EDRF1: variants seen among roughly 807,000 people sequenced by gnomAD.
EDRF1 encodes the protein erythroid differentiation regulatory factor 1, also known as erythroid differentiation-related factor 1.
In EDRF1, 69 loss-of-function variants were observed where a neutral mutation model predicts 148.7. The observed-to-expected ratio is 0.46, with a 90% CI of 0.38 to 0.57. The LOEUF is 0.57. Ranked by LOEUF, EDRF1 falls within the 20% of genes least tolerant of loss-of-function variation. The pLI is 0.00. For synonymous variants in EDRF1, 515 were observed against 532.8 expected, an observed-to-expected ratio of 0.97 and a Z score of 0.46; for missense variants, 1,118 against 1,478.7, an observed-to-expected ratio of 0.76 and a Z score of 4.00.
At chr10:125,750,936 G>T (rs1052047341) in intron 22 of EDRF1, among the ~76,000 whole-genome samples, 1 of 151,986 alleles carries the variant, frequency 6.6e-6, no homozygotes, top group Non-Finnish European at 1.5e-5. Flanking sequence ...CTTTTTTGTT[G>T]TTGGGGTTTT....
chr10:125,743,338 T>A, intron 18 of EDRF1, 62 bp downstream of exon 18: 1 of 1,430,062 alleles, frequency 7.0e-7, no homozygotes, highest in Non-Finnish European at 9.8e-7. Context: ...GCTAATTTTG[T>A]ATGAGTCAAG....
At chr10:125,723,034 C>A in intron 2 of EDRF1, 34 bp from the exon 3 acceptor site, 1 of 1,513,366 alleles carries the variant, frequency 6.6e-7, no homozygotes, top group Non-Finnish European at 9.2e-7. Context: ...ATGAGCATGA[C>A]CTCATAACCT....
chr10:125,736,289 C>T (rs1848726962), intron 13 of EDRF1, among the ~76,000 whole-genome samples: 1 of 152,076 alleles, frequency 6.6e-6, no homozygotes, highest in South Asian at 2.1e-4. Flanking sequence ...GCTCTTGGAA[C>T]TGTATATGGT....
At position 125,728,989 on chromosome 10, in the gene EDRF1, T is replaced by G; in HGVS notation, c.793-14T>G. ...TGACAGCAGAATCACTCCTTATCCTTGCACTTTTCACAGGGAAGTGAGCCT... is the reference window on the plus strand; with the variant it reads ...TGACAGCAGAATCACTCCTTATCCTGGCACTTTTCACAGGGAAGTGAGCCT... On this transcript the variant is annotated splice_polypyrimidine_tract_variant and intron_variant, in intron 6 of 24. Coordinates refer to ENST00000356792, the MANE Select transcript of EDRF1 (RefSeq NM_001202438.2). The G allele has an allele frequency of 1.3e-6, 2 of 1,560,864 alleles. No homozygotes were observed. Among genetic ancestry groups the G allele is most frequent in the South Asian group, 1.2e-5 (1 of 85,682 alleles).
chr10:125,742,667 G>GC, intron 17 of EDRF1: 2 of 985,074 alleles, frequency 2.0e-6, no homozygotes, highest in Non-Finnish European at 2.4e-6. Flanking sequence ...TTCTGTAGCA[G>GC]CCTCTTCAGT....
intron 1 of EDRF1, among the ~76,000 whole-genome samples, chr10:125,720,480 C>T (rs11244621): frequency 0.041 from 6,179 of 152,258 alleles, 184 homozygotes; most frequent in Non-Finnish European, 0.064. Context: ...AAATGTTCTA[C>T]CAGACTATTT....
At chr10:125,732,202 T>C (rs983398666) in intron 9 of EDRF1, among the ~76,000 whole-genome samples, 2 of 151,946 alleles carry the variant, frequency 1.3e-5, no homozygotes, top group East Asian at 1.9e-4. Context: ...TCTCCCTAAA[T>C]GGCAACATTT....
chr10:125,741,884 G>T (rs190290056), intron 17 of EDRF1, among the ~76,000 whole-genome samples: 37 of 151,852 alleles, frequency 2.4e-4, no homozygotes, highest in Non-Finnish European at 1.2e-4. Context: ...TTAGAGACAG[G>T]GTTTCACCAC....
chr10:125,733,705 A>G lies in EDRF1; in HGVS notation c.1347A>G (p.Gln449=). ...GTGAAGAAACTGAAGACAAATACCA[A>G]AATCCATTCACAATGCCGGTAGCCA... The part of the protein sequence containing the change: ...TLCEETEDKY[Q]NPFTMPVAIL... The change falls in exon 11 of 25, where the codon CAA becomes CAG. Residue 449 remains glutamine (Q), a synonymous_variant. Transcript: ENST00000356792. 6.2e-7 allele frequency: 1 copy of G among 1,613,546 alleles called. No individual in the cohort carries two copies. The highest frequency in any genetic ancestry group is 8.5e-7 in the Non-Finnish European group (1 of 1,179,554).
At chr10:125,740,911 C>T (rs189001045) in intron 16 of EDRF1, 90 bp from the exon 17 acceptor site, 1 of 1,357,278 alleles carries the variant, frequency 7.4e-7, no homozygotes, top group East Asian at 2.3e-5. Flanking sequence ...ACAAAGCGTT[C>T]AGCTGGTAAC....
intron 24 of EDRF1, among the ~76,000 whole-genome samples, chr10:125,754,752 A>G (rs1365994987): frequency 6.6e-6 from 1 of 152,224 alleles, no homozygotes; most frequent in East Asian, 1.9e-4. Flanking sequence ...TTTTAAATAT[A>G]AGTGCAATCT....
intron 4 of EDRF1, among the ~76,000 whole-genome samples, chr10:125,725,020 T>TA (rs1462015384): frequency 2.0e-5 from 3 of 152,180 alleles, no homozygotes; most frequent in Non-Finnish European, 4.4e-5. Flanking sequence ...TATAAACACA[T>TA]ACACAGATCA....
chr10:125,723,226 A>G, intron 3 of EDRF1, 92 bp downstream of exon 3: 1 of 1,123,726 alleles, frequency 8.9e-7, no homozygotes, highest in African/African-American at 1.5e-5. Context: ...TAAATGTGCA[A>G]GTCTTGAGAA....
intron 18 of EDRF1, chr10:125,745,203 T>TTA: frequency 5.6e-6 from 1 of 178,574 alleles, no homozygotes; most frequent in South Asian, 1.2e-4. Flanking sequence ...TGAAATATCA[T>TTA]AGACTAGGTG....
At chr10:125,726,477 T>C (rs940464799) in intron 6 of EDRF1, among the ~76,000 whole-genome samples, 3 of 152,200 alleles carry the variant, frequency 2.0e-5, no homozygotes, top group Non-Finnish European at 4.4e-5. Flanking sequence ...ACTGTATCTA[T>C]CAAAGAATAA....
At position 125,763,179 on chromosome 10, in the gene EDRF1, G is replaced by C; in HGVS notation, c.3546-122G>C. 1.0e-6 allele frequency: 1 copy of C among 971,022 alleles called. No individual in the cohort carries two copies. Among genetic ancestry groups the C allele is most frequent in the Non-Finnish European group, 1.6e-6 (1 of 615,648 alleles). The allele number at this position is 971,022 out of a possible 1,614,324, so 60.2% of individuals were successfully genotyped here. ...AGGCAGGTCTGAACCCGGCAGGAGA[G>C]GAATGCCTGCTGCTCTGTGAAGAGT... On this transcript the variant is annotated intron_variant, in intron 24 of 24. Coordinates refer to ENST00000356792, the MANE Select transcript of EDRF1 (RefSeq NM_001202438.2). The surrounding 1 kb of genome is among the most constrained non-coding windows in gnomAD (Gnocchi z 4.3).
At chr10:125,739,160 G>C (rs376017974) in intron 15 of EDRF1, among the ~76,000 whole-genome samples, 11 of 151,614 alleles carry the variant, frequency 7.3e-5, no homozygotes, top group African/African-American at 2.7e-4. Context: ...TATGTTTGAA[G>C]TACATCTGAA....
intron 12 of EDRF1, among the ~76,000 whole-genome samples, chr10:125,734,484 A>C (rs1332681146): frequency 6.6e-6 from 1 of 152,146 alleles, no homozygotes; most frequent in Non-Finnish European, 1.5e-5. Context: ...CTACTTTTTA[A>C]ATGTAGCTAC....
chr10:125,761,283 A>G, intron 24 of EDRF1: 1 of 345,606 alleles, frequency 2.9e-6, no homozygotes, highest in South Asian at 2.3e-5. Flanking sequence ...ACCTGCTAGA[A>G]ATTCTAGCAG....
Sources: gnomAD v4.1 joint callset for allele counts (sites outside exome capture counted in the v4.1 genomes callset) on GRCh38, gnomAD v4.1.1 for gene constraint, Gnocchi (gnomAD v3.1) non-coding constraint, MANE v1.5 for transcripts, NCBI Gene and HGNC (gene_info 2026-07-23, HGNC 2026-07-21) for gene names.